The following CADPS variants were observed in gnomAD, a reference collection of about 807,000 sequenced individuals.
The protein encoded by CADPS is calcium dependent secretion activator.
In CADPS, 57 loss-of-function variants were observed where a neutral mutation model predicts 167.3. The ratio of observed to expected loss-of-function variants is 0.34; its 90% CI spans 0.28 to 0.42. The LOEUF (loss-of-function observed/expected upper bound fraction) is 0.42. Ranked by LOEUF, CADPS falls within the 20% of genes least tolerant of loss-of-function variation. The pLI, the probability that CADPS is intolerant of heterozygous loss-of-function variation, is 1.00. For synonymous variants in CADPS, 676 were observed against 635.3 expected (o/e 1.06, Z -0.96); for missense variants, 1,414 against 1,738.1 (o/e 0.81, Z 3.32).
At chr3:62,526,014 T>C (rs2072089815) in intron 13 of CADPS, among the ~76,000 whole-genome samples, 1 of 151,918 alleles carries the variant, frequency 6.6e-6, no homozygotes, top group Non-Finnish European at 1.5e-5. Flanking sequence ...GATATAGAAA[T>C]TGAATTGTTG....
chr3:62,751,293 T>C (rs950176164), intron 3 of CADPS, among the ~76,000 whole-genome samples: 7 of 152,180 alleles, frequency 4.6e-5, no homozygotes, highest in Non-Finnish European at 8.8e-5. Flanking sequence ...AGAATTCATG[T>C]GTATTTTTGT....
At chr3:62,554,397 TA>T (rs1291074401) in intron 10 of CADPS, among the ~76,000 whole-genome samples, 3 of 152,172 alleles carry the variant, frequency 2.0e-5, no homozygotes, top group African/African-American at 7.2e-5. Flanking sequence ...GCAACAATAT[TA>T]ATTGCATCCC....
At chr3:62,800,954 G>C (rs2093726139) in intron 1 of CADPS, among the ~76,000 whole-genome samples, 1 of 152,070 alleles carries the variant, frequency 6.6e-6, no homozygotes. Flanking sequence ...GGGGAAAACA[G>C]AGCTTAGCTA....
intron 1 of CADPS, among the ~76,000 whole-genome samples, chr3:62,835,587 A>T (rs535908747): frequency 4.6e-5 from 7 of 152,292 alleles, no homozygotes; most frequent in Admixed American, 1.3e-4. Context: ...ATCATGAATT[A>T]TGCAGGCCAG....
chr3:62,527,918 T>C (rs1225746989), intron 13 of CADPS, among the ~76,000 whole-genome samples: 3 of 152,182 alleles, frequency 2.0e-5, no homozygotes, highest in Non-Finnish European at 2.9e-5. Flanking sequence ...ATCCAAATGC[T>C]GGTCATGCTG....
chr3:62,539,811 T>A (rs2152082003), intron 11 of CADPS, among the ~76,000 whole-genome samples: 1 of 152,276 alleles, frequency 6.6e-6, no homozygotes, highest in Admixed American at 6.5e-5. Flanking sequence ...AACGGCTTAT[T>A]TAATGGGAGC....
chr3:62,748,273 G>C (rs951624569), intron 3 of CADPS, among the ~76,000 whole-genome samples: 1 of 144,702 alleles, frequency 6.9e-6, no homozygotes, highest in Non-Finnish European at 1.5e-5. Context: ...GTGAACCCGG[G>C]AGGCGGAGCT....
At chr3:62,434,993 A>G (rs956556028) in intron 28 of CADPS, among the ~76,000 whole-genome samples, 2 of 152,178 alleles carry the variant, frequency 1.3e-5, no homozygotes, top group African/African-American at 4.8e-5. Flanking sequence ...AAAACCAGAG[A>G]ATGACACAAC....
At chr3:62,627,992 A>C (rs1209032931) in intron 6 of CADPS, among the ~76,000 whole-genome samples, 1 of 152,216 alleles carries the variant, frequency 6.6e-6, no homozygotes, top group Non-Finnish European at 1.5e-5. Context: ...AAATTTTAGC[A>C]GGTGAAATTT....
intron 3 of CADPS, among the ~76,000 whole-genome samples, chr3:62,707,884 T>C (rs2082617135): frequency 6.6e-6 from 1 of 151,316 alleles, no homozygotes; most frequent in Non-Finnish European, 1.5e-5. Flanking sequence ...TGAACAGTGT[T>C]GGTATAAGGA....
intron 4 of CADPS, among the ~76,000 whole-genome samples, chr3:62,655,240 T>C (rs2071254352): frequency 6.6e-6 from 1 of 151,274 alleles, no homozygotes; most frequent in South Asian, 2.1e-4. Flanking sequence ...TTGAGTGGAG[T>C]TTTTCAGTGG....
chr3:62,611,299 T>C (rs1156597057), intron 6 of CADPS, among the ~76,000 whole-genome samples: 5 of 152,194 alleles, frequency 3.3e-5, no homozygotes, highest in Admixed American at 3.3e-4. Flanking sequence ...CCACACCTAA[T>C]GCCTCAGCAA....
intron 3 of CADPS, among the ~76,000 whole-genome samples, chr3:62,670,787 T>A (rs1356584280): frequency 6.6e-6 from 1 of 152,282 alleles, no homozygotes; most frequent in East Asian, 1.9e-4. Flanking sequence ...CCTCCCCTCT[T>A]CTTTTCCTTT....
At chr3:62,459,769 A>AC (rs1398416665) in intron 26 of CADPS, among the ~76,000 whole-genome samples, 4 of 152,088 alleles carry the variant, frequency 2.6e-5, no homozygotes, top group Admixed American at 6.6e-5. Flanking sequence ...TCCATTGCTA[A>AC]CCCCCCCAGT....
chr3:62,466,582 G>A (rs953183892), intron 24 of CADPS, 169 bp from the exon 25 acceptor site: 5 of 670,842 alleles, frequency 7.5e-6, no homozygotes, highest in Non-Finnish European at 1.4e-5. Context: ...CTTTGATAGA[G>A]AGAGATCTGA....
intron 1 of CADPS, among the ~76,000 whole-genome samples, chr3:62,794,553 A>T (rs2093231200): frequency 6.6e-6 from 1 of 152,172 alleles, no homozygotes; most frequent in Non-Finnish European, 1.5e-5. Context: ...TCTGCATAAG[A>T]TGTTTGATAT....
chr3:62,686,263 A>G (rs979276288), intron 3 of CADPS, among the ~76,000 whole-genome samples: 1 of 152,046 alleles, frequency 6.6e-6, no homozygotes, highest in Non-Finnish European at 1.5e-5. Flanking sequence ...TCTATGTATT[A>G]TAACACTTCA....
intron 9 of CADPS, among the ~76,000 whole-genome samples, chr3:62,568,317 G>A (rs1453947816): frequency 2.0e-5 from 3 of 152,200 alleles, no homozygotes; most frequent in African/African-American, 4.8e-5. Flanking sequence ...TTGAGTTGGT[G>A]GCCTAGGAGA....
intron 3 of CADPS, among the ~76,000 whole-genome samples, chr3:62,701,256 G>T (rs924151819): frequency 2.0e-5 from 3 of 152,122 alleles, no homozygotes; most frequent in Admixed American, 2.0e-4. Flanking sequence ...GAAAAAGAGG[G>T]AAGCAATTTT....
Sources: gnomAD v4.1 joint callset for allele counts (sites outside exome capture counted in the v4.1 genomes callset) on GRCh38, gnomAD v4.1.1 for gene constraint, MANE v1.5 for transcripts, NCBI Gene and HGNC (gene_info 2026-07-23, HGNC 2026-07-21) for gene names.